Variants in OSBPL9 observed in about 807,000 individuals in gnomAD.
OSBPL9 encodes the protein oxysterol-binding protein-related protein 9.
In OSBPL9, 40 loss-of-function variants were observed where a neutral mutation model predicts 106.6. The ratio of observed to expected loss-of-function variants is 0.38; its 90% CI spans 0.29 to 0.49. The LOEUF (loss-of-function observed/expected upper bound fraction) is 0.49. Among genes scored for constraint, OSBPL9 ranks in the 20% least tolerant of loss-of-function variants. The pLI is 0.97. For synonymous variants in OSBPL9, 269 were observed against 295.4 expected, an observed-to-expected ratio of 0.91 and a Z score of 0.92; for missense variants, 609 against 887.2, an observed-to-expected ratio of 0.69 and a Z score of 3.98.
chr1:51,690,511 A>G (rs1301777702), intron 3 of OSBPL9, among the ~76,000 whole-genome samples: 1 of 152,230 alleles, frequency 6.6e-6, no homozygotes, highest in East Asian at 1.9e-4. Context: ...GAAAGATCCA[A>G]TTGTGGCAGC....
chr1:51,775,658 T>A (rs1674893622), intron 14 of OSBPL9, among the ~76,000 whole-genome samples: 1 of 152,216 alleles, frequency 6.6e-6, no homozygotes, highest in Non-Finnish European at 1.5e-5. Flanking sequence ...TCACCCAGGC[T>A]GGAGTATAGT....
At chr1:51,701,916 C>T (rs534330656) in intron 3 of OSBPL9, among the ~76,000 whole-genome samples, 212 of 152,082 alleles carry the variant, frequency 1.4e-3, no homozygotes, top group African/African-American at 4.6e-3. Flanking sequence ...TTTGTCCTTG[C>T]GATAGTTTGC....
At chr1:51,645,971 C>T (rs1370587708) in intron 1 of OSBPL9, among the ~76,000 whole-genome samples, 1 of 152,120 alleles carries the variant, frequency 6.6e-6, no homozygotes, top group Non-Finnish European at 1.5e-5. Flanking sequence ...TCCATTGATC[C>T]TATGCATATC....
intron 4 of OSBPL9, among the ~76,000 whole-genome samples, chr1:51,740,706 C>T (rs1666715032): frequency 6.6e-6 from 1 of 152,034 alleles, no homozygotes; most frequent in South Asian, 2.1e-4. Flanking sequence ...GATATGAAAA[C>T]AATTATTCAT....
chr1:51,588,555 G>A (rs1169672623), intron 1 of OSBPL9, among the ~76,000 whole-genome samples: 1 of 152,124 alleles, frequency 6.6e-6, no homozygotes, highest in East Asian at 1.9e-4. Flanking sequence ...AGGGGCTGAA[G>A]TGGGATGGTC....
chr1:51,659,394 T>G (rs1347371418), intron 2 of OSBPL9, among the ~76,000 whole-genome samples: 1 of 152,088 alleles, frequency 6.6e-6, no homozygotes, highest in African/African-American at 2.4e-5. Context: ...AAACCACATG[T>G]TAAAACTGCA....
At chr1:51,734,801 C>A (rs183697420) in intron 4 of OSBPL9, among the ~76,000 whole-genome samples, 82 of 152,290 alleles carry the variant, frequency 5.4e-4, no homozygotes, top group African/African-American at 1.7e-3. Flanking sequence ...GGGTGCTGCC[C>A]TGGTAGTCTC....
chr1:51,598,324 G>A (rs1645312552), intron 2 of OSBPL9: 1 of 152,322 alleles, frequency 6.6e-6, no homozygotes, highest in East Asian at 1.9e-4. Flanking sequence ...AAAGAGAAAA[G>A]GGGGAACAGG....
intron 4 of OSBPL9, among the ~76,000 whole-genome samples, chr1:51,725,455 T>G (rs1662948083): frequency 6.6e-6 from 1 of 152,244 alleles, no homozygotes. Flanking sequence ...CTGTGTCTCT[T>G]CCAGCTGTGT....
chr1:51,551,516 A>G, the OSBPL9 span, among the ~76,000 whole-genome samples: 10 of 152,180 alleles, frequency 6.6e-5, no homozygotes, highest in African/African-American at 1.9e-4. Flanking sequence ...AGATAGTATA[A>G]ACAAAGTTAA....
chr1:51,595,162 G>A (rs1242614177), intron 1 of OSBPL9, among the ~76,000 whole-genome samples: 2 of 152,146 alleles, frequency 1.3e-5, no homozygotes, highest in East Asian at 1.9e-4. Flanking sequence ...CGCTGAGAGC[G>A]CCGGAGGACT....
At chr1:51,562,089 T>A in the OSBPL9 span, 1 of 152,206 alleles carries the variant, frequency 6.6e-6, no homozygotes, top group Non-Finnish European at 1.5e-5. Context: ...TCTGATCTCA[T>A]GCAATCAGAA....
chr1:51,690,521 C>T (rs1654739813), intron 3 of OSBPL9, among the ~76,000 whole-genome samples: 1 of 152,166 alleles, frequency 6.6e-6, no homozygotes, highest in African/African-American at 2.4e-5. Flanking sequence ...ATTGTGGCAG[C>T]TTTAAAAGGA....
At chr1:51,556,049 G>T in the OSBPL9 span, among the ~76,000 whole-genome samples, 1 of 152,124 alleles carries the variant, frequency 6.6e-6, no homozygotes. Context: ...AGTCAGACCA[G>T]CTCAACCACA....
chr1:51,621,558 T>C (rs983040217), intron 1 of OSBPL9, among the ~76,000 whole-genome samples: 1 of 151,974 alleles, frequency 6.6e-6, no homozygotes, highest in Non-Finnish European at 1.5e-5. Context: ...AAGAATGTTA[T>C]CAAAACACTT....
chr1:51,543,397 GTTTT>G, the OSBPL9 span, among the ~76,000 whole-genome samples: 1 of 151,920 alleles, frequency 6.6e-6, no homozygotes, highest in Non-Finnish European at 1.5e-5. Flanking sequence ...ACTCAGAGAG[GTTTT>G]TTTGTTTTTT....
intron 4 of OSBPL9, chr1:51,740,012 T>TG: frequency 9.5e-7 from 1 of 1,051,102 alleles, no homozygotes; most frequent in South Asian, 1.6e-5. Flanking sequence ...ACTTGCCACT[T>TG]GCTGCTCATG....
chr1:51,581,313 C>T (rs942552322), intron 1 of OSBPL9, among the ~76,000 whole-genome samples: 10 of 152,068 alleles, frequency 6.6e-5, no homozygotes, highest in Non-Finnish European at 1.0e-4. Flanking sequence ...CAGAGGTAAA[C>T]GGCCATTCTC....
intron 12 of OSBPL9, among the ~76,000 whole-genome samples, chr1:51,771,817 A>C (rs2149106509): frequency 6.6e-6 from 1 of 152,348 alleles, no homozygotes; most frequent in East Asian, 1.9e-4. Context: ...AAAATCATAA[A>C]AGGAACTCTA....
Sources: gnomAD v4.1 joint callset for allele counts (sites outside exome capture counted in the v4.1 genomes callset) on GRCh38, gnomAD v4.1.1 for gene constraint, MANE v1.5 for transcripts, NCBI Gene and HGNC (gene_info 2026-07-23, HGNC 2026-07-21) for gene names.